The following BRINP3 variants were observed in gnomAD, a reference collection of about 807,000 sequenced individuals.
BRINP3 encodes the protein BMP/retinoic acid inducible neural specific 3.
In BRINP3, 19 loss-of-function variants were observed where a neutral mutation model predicts 71.0. That is an observed-to-expected ratio of 0.27 (90% CI 0.19 to 0.39). BRINP3 has a LOEUF of 0.39. BRINP3 is among the 10% of genes least tolerant of loss of function. The probability of loss-of-function intolerance (pLI) is 1.00; values close to 1 mark genes in which losing one functional copy is unlikely to be tolerated. For synonymous variants in BRINP3, 380 were observed against 337.7 expected (o/e 1.13, Z -1.37); for missense variants, 959 against 940.8 (o/e 1.02, Z -0.25).
intron 2 of BRINP3, among the ~76,000 whole-genome samples, chr1:190,422,189 A>G (rs543335680): frequency 4.4e-4 from 67 of 151,960 alleles, no homozygotes; most frequent in Non-Finnish European, 6.0e-4. Context: ...TCAAGGTATA[A>G]TAAGACAATG....
intron 6 of BRINP3, among the ~76,000 whole-genome samples, chr1:190,181,906 C>A (rs1653063328): frequency 6.6e-6 from 1 of 151,856 alleles, no homozygotes; most frequent in African/African-American, 2.4e-5. Flanking sequence ...TCTTTAGTGA[C>A]AAAATTATCT....
At chr1:190,401,288 G>A (rs2102356735) in intron 2 of BRINP3, among the ~76,000 whole-genome samples, 1 of 150,758 alleles carries the variant, frequency 6.6e-6, no homozygotes, top group Non-Finnish European at 1.5e-5. Context: ...AACCCAGGAG[G>A]TGGAGGTTGC....
chr1:190,140,955 A>G (rs1233681429), intron 7 of BRINP3, among the ~76,000 whole-genome samples: 1 of 151,984 alleles, frequency 6.6e-6, no homozygotes, highest in African/African-American at 2.4e-5. Flanking sequence ...ACAAACAGAG[A>G]GGCTATTTTT....
intron 7 of BRINP3, among the ~76,000 whole-genome samples, chr1:190,157,055 G>T (rs758225435): frequency 1.3e-5 from 2 of 151,380 alleles, no homozygotes; most frequent in South Asian, 2.1e-4. Flanking sequence ...ACATATATCT[G>T]CACTTTCTGA....
chr1:190,444,270 A>AAAAAAAAAAC (rs1675050407), intron 2 of BRINP3, among the ~76,000 whole-genome samples: 1 of 136,294 alleles, frequency 7.3e-6, no homozygotes, highest in Non-Finnish European at 1.6e-5. Flanking sequence ...AAAAAAAAAA[A>AAAAAAAAAAC]ATCCCTTTGT....
chr1:190,264,217 T>A (rs1661451390), intron 4 of BRINP3, among the ~76,000 whole-genome samples: 2 of 152,176 alleles, frequency 1.3e-5, no homozygotes, highest in Admixed American at 1.3e-4. Flanking sequence ...TTTTTTTCTT[T>A]TGAAAATCAG....
At chr1:190,290,986 G>A (rs1347995155) in intron 2 of BRINP3, among the ~76,000 whole-genome samples, 3 of 151,686 alleles carry the variant, frequency 2.0e-5, no homozygotes, top group African/African-American at 7.3e-5. Context: ...TATAGAGAGA[G>A]AGAGGAAAGA....
At chr1:190,441,358 C>G (rs577236811) in intron 2 of BRINP3, among the ~76,000 whole-genome samples, 4 of 152,060 alleles carry the variant, frequency 2.6e-5, no homozygotes, top group Admixed American at 1.3e-4. Context: ...GCATTCAACA[C>G]AAAAATAAAA....
intron 7 of BRINP3, among the ~76,000 whole-genome samples, chr1:190,111,597 A>C (rs1397699751): frequency 6.6e-6 from 1 of 152,140 alleles, no homozygotes; most frequent in East Asian, 1.9e-4. Flanking sequence ...AAACAAACAG[A>C]AGTCTAATGT....
At chr1:190,306,664 G>GT (rs935792354) in intron 2 of BRINP3, among the ~76,000 whole-genome samples, 51 of 147,972 alleles carry the variant, frequency 3.4e-4, no homozygotes, top group African/African-American at 5.9e-4. Context: ...GGATGGATCA[G>GT]TTTTTTTTTT....
At chr1:190,395,284 AT>A (rs1245836554) in intron 2 of BRINP3, among the ~76,000 whole-genome samples, 1 of 151,732 alleles carries the variant, frequency 6.6e-6, no homozygotes, top group African/African-American at 2.4e-5. Flanking sequence ...CAATTGCTTA[AT>A]GTAATGAAAA....
intron 2 of BRINP3, among the ~76,000 whole-genome samples, chr1:190,384,380 G>T (rs539397314): frequency 6.6e-6 from 1 of 151,802 alleles, no homozygotes; most frequent in East Asian, 1.9e-4. Context: ...ATTATTTTAA[G>T]TAATGAAAAC....
intron 2 of BRINP3, among the ~76,000 whole-genome samples, chr1:190,295,576 A>G (rs763841897): frequency 6.6e-6 from 1 of 152,120 alleles, no homozygotes; most frequent in Non-Finnish European, 1.5e-5. Context: ...GTAGTCAGGT[A>G]GTGGTGAAGC....
chr1:190,277,098 TA>T (rs2102919877), intron 3 of BRINP3, among the ~76,000 whole-genome samples: 1 of 110,784 alleles, frequency 9.0e-6, no homozygotes, highest in South Asian at 3.2e-4. Context: ...TATATATATA[TA>T]TATATATATA....
intron 2 of BRINP3, among the ~76,000 whole-genome samples, chr1:190,452,633 C>G (rs1435474548): frequency 6.6e-6 from 1 of 152,084 alleles, no homozygotes; most frequent in African/African-American, 2.4e-5. Flanking sequence ...CCACGGCAGG[C>G]GGATCACTTG....
chr1:190,212,172 G>C (rs1480050027), intron 6 of BRINP3, among the ~76,000 whole-genome samples: 2 of 152,062 alleles, frequency 1.3e-5, no homozygotes, highest in African/African-American at 4.8e-5. Flanking sequence ...ATACAAGCAT[G>C]ATTGTCAAAA....
At chr1:190,431,138 T>C (rs1674072485) in intron 2 of BRINP3, among the ~76,000 whole-genome samples, 1 of 152,086 alleles carries the variant, frequency 6.6e-6, no homozygotes, top group Non-Finnish European at 1.5e-5. Context: ...ATTTCTGAAT[T>C]CTCATAACAT....
intron 7 of BRINP3, among the ~76,000 whole-genome samples, chr1:190,132,521 C>A (rs1654627294): frequency 6.6e-6 from 1 of 151,956 alleles, no homozygotes; most frequent in Non-Finnish European, 1.5e-5. Context: ...TTCTTCAGAG[C>A]ATAAACGTTA....
intron 1 of BRINP3, among the ~76,000 whole-genome samples, chr1:190,469,226 C>T (rs1289248174): frequency 6.6e-6 from 1 of 150,932 alleles, no homozygotes; most frequent in African/African-American, 2.4e-5. Flanking sequence ...ATATAGTCTT[C>T]TTCCTCATTA....
Sources: allele counts gnomAD v4.1 joint callset (sites outside exome capture counted in the v4.1 genomes callset), GRCh38; gene constraint gnomAD v4.1.1; transcripts MANE v1.5; gene names NCBI Gene and HGNC (gene_info 2026-07-23, HGNC 2026-07-21).